SNTB1: variants seen among roughly 807,000 people sequenced by gnomAD.
The protein encoded by SNTB1 is syntrophin beta 1, also known as beta-1-syntrophin.
SNTB1 carries 36 observed loss-of-function variants against 48.9 expected under a neutral mutation model. The observed-to-expected ratio is 0.74, with a 90% confidence interval of 0.56 to 0.97. SNTB1 has a LOEUF of 0.97. Among genes scored for constraint, SNTB1 ranks in the 50% least tolerant of loss-of-function variants. SNTB1 has a pLI of 0.00. For synonymous variants in SNTB1, 299 were observed against 294.6 expected (o/e 1.01, Z -0.15); for missense variants, 786 against 703.4 (o/e 1.12, Z -1.33).
chr8:120,766,989 C>CA (rs148285682), intron 1 of SNTB1, among the ~76,000 whole-genome samples: 3,512 of 152,158 alleles, frequency 0.023, 136 homozygotes, highest in African/African-American at 0.08. Flanking sequence ...TTCACAAACA[C>CA]AAAATATTTA....
chr8:120,721,805 G>T (rs928825725), intron 1 of SNTB1, among the ~76,000 whole-genome samples: 1 of 151,994 alleles, frequency 6.6e-6, no homozygotes, highest in African/African-American at 2.4e-5. Context: ...CGTTACATAG[G>T]TATACATGTG....
intron 2 of SNTB1, among the ~76,000 whole-genome samples, chr8:120,650,672 A>C (rs1033636610): frequency 6.6e-6 from 1 of 152,230 alleles, no homozygotes; most frequent in African/African-American, 2.4e-5. Flanking sequence ...GCCTGGCATT[A>C]ACTGAACTTC....
chr8:120,734,209 C>T (rs1164358803), intron 1 of SNTB1, among the ~76,000 whole-genome samples: 13 of 152,006 alleles, frequency 8.6e-5, no homozygotes, highest in African/African-American at 3.1e-4. Context: ...TTTGGGAGGC[C>T]GAGGTGGGCA....
intron 1 of SNTB1, among the ~76,000 whole-genome samples, chr8:120,781,596 A>C (rs1202369194): frequency 2.0e-5 from 3 of 152,216 alleles, no homozygotes; most frequent in Non-Finnish European, 4.4e-5. Flanking sequence ...AAGGCCATGG[A>C]GCATAGAGTC....
intron 2 of SNTB1, among the ~76,000 whole-genome samples, chr8:120,659,108 C>T (rs1034411730): frequency 6.6e-5 from 10 of 151,826 alleles, no homozygotes; most frequent in Admixed American, 3.9e-4. Flanking sequence ...GGACTATAGG[C>T]GCACGCCACC....
chr8:120,556,875 C>T (rs189242359), intron 4 of SNTB1, among the ~76,000 whole-genome samples: 1 of 152,296 alleles, frequency 6.6e-6, no homozygotes, highest in East Asian at 1.9e-4. Flanking sequence ...ATCTAACAGC[C>T]TGCTTACTGA....
At chr8:120,544,722 T>C (rs1167125769) in intron 5 of SNTB1, among the ~76,000 whole-genome samples, 1 of 151,820 alleles carries the variant, frequency 6.6e-6, no homozygotes, top group Non-Finnish European at 1.5e-5. Flanking sequence ...TCTCTGTTAT[T>C]ACACATGTAA....
intron 1 of SNTB1, among the ~76,000 whole-genome samples, chr8:120,788,718 C>T (rs1195843979): frequency 1.3e-5 from 2 of 151,822 alleles, no homozygotes; most frequent in Non-Finnish European, 2.9e-5. Flanking sequence ...ATGCAACTAA[C>T]TCTGACGCTC....
chr8:120,734,442 G>A (rs1818905327), intron 1 of SNTB1, among the ~76,000 whole-genome samples: 1 of 120,174 alleles, frequency 8.3e-6, no homozygotes, highest in Non-Finnish European at 1.5e-5. Context: ...GCGAGATTCT[G>A]TCTCAAAAAA....
At chr8:120,607,956 G>T (rs746667308) in intron 3 of SNTB1, among the ~76,000 whole-genome samples, 2 of 152,150 alleles carry the variant, frequency 1.3e-5, no homozygotes, top group Non-Finnish European at 2.9e-5. Context: ...TAGGATAAAA[G>T]GTCTCTGATC....
intron 1 of SNTB1, among the ~76,000 whole-genome samples, chr8:120,783,726 C>A (rs1253763887): frequency 1.3e-5 from 2 of 152,138 alleles, no homozygotes; most frequent in Non-Finnish European, 2.9e-5. Flanking sequence ...CCCTACTGCC[C>A]CTTCCAGATC....
intron 1 of SNTB1, among the ~76,000 whole-genome samples, chr8:120,730,021 T>TTC (rs1438066773): frequency 1.3e-5 from 2 of 152,272 alleles, no homozygotes; most frequent in Non-Finnish European, 2.9e-5. Flanking sequence ...GCACTGATAA[T>TTC]TCTGCCAACA....
intron 4 of SNTB1, chr8:120,571,387 G>A (rs955629383): frequency 1.6e-6 from 2 of 1,270,100 alleles, no homozygotes; most frequent in Non-Finnish European, 2.1e-6. Flanking sequence ...AGTACAGAAA[G>A]CAATAGCGAT....
intron 1 of SNTB1, among the ~76,000 whole-genome samples, chr8:120,810,477 G>A (rs1052361520): frequency 6.6e-6 from 1 of 152,180 alleles, no homozygotes; most frequent in African/African-American, 2.4e-5. Context: ...GCACGCAGGG[G>A]AAACTGTTTA....
intron 1 of SNTB1, among the ~76,000 whole-genome samples, chr8:120,716,996 G>A (rs1338315063): frequency 5.3e-5 from 8 of 152,266 alleles, no homozygotes; most frequent in African/African-American, 1.9e-4. Context: ...CCCCAGAAGT[G>A]ATCCTTTTAT....
At chr8:120,676,250 A>G (rs1817831368) in intron 2 of SNTB1, among the ~76,000 whole-genome samples, 2 of 152,212 alleles carry the variant, frequency 1.3e-5, no homozygotes, top group Admixed American at 1.3e-4. Flanking sequence ...AGTAAAATTC[A>G]TGTTCCTAGA....
chr8:120,542,023 A>G, intron 5 of SNTB1, 23 bp from the exon 6 acceptor site: 1 of 1,602,858 alleles, frequency 6.2e-7, no homozygotes. Flanking sequence ...GAGAGAGAAA[A>G]AGAGACAAGT....
At chr8:120,606,409 ATGTGTGTG>A (rs10559437) in intron 3 of SNTB1, among the ~76,000 whole-genome samples, 2 of 147,922 alleles carry the variant, frequency 1.4e-5, no homozygotes. Context: ...GTGTGTATAT[ATGTGTGTG>A]TGTGTGTGTG....
chr8:120,567,629 C>T lies in SNTB1; in HGVS notation c.1136+7457G>A, dbSNP rs140464266. On this transcript the variant is annotated intron_variant, in intron 4 of 6. Coordinates refer to ENST00000517992, the MANE Select transcript of SNTB1 (RefSeq NM_021021.4). ...GTAGAGACGGATCCTCCATGTTGCC[C>T]AGGCTAGTCTTGAACTTCTGGGCTC... Among the ~76,000 whole-genome samples, 22 of 152,036 alleles carry T rather than the reference C, an allele frequency of 1.4e-4. 1 individual carries two copies. In the East Asian group the frequency reaches 4.3e-3, roughly 29 times the overall value.
Sources: allele counts gnomAD v4.1 joint callset (sites outside exome capture counted in the v4.1 genomes callset), GRCh38; gene constraint gnomAD v4.1.1; transcripts MANE v1.5; gene names NCBI Gene and HGNC (gene_info 2026-07-23, HGNC 2026-07-21).